JCAD: variants seen among roughly 807,000 people sequenced by gnomAD.
JCAD encodes junctional cadherin 5-associated protein.
A neutral mutation model predicts 98.0 loss-of-function variants in JCAD; 40 were observed. That is an observed-to-expected ratio of 0.41 (90% CI 0.32 to 0.53). The LOEUF (loss-of-function observed/expected upper bound fraction) is 0.53, where lower values mean the gene tolerates loss of function less well. JCAD is among the 20% of genes least tolerant of loss of function. The pLI is 0.31. For missense variants in JCAD, 1,705 were observed against 1,738.1 expected (o/e 0.98, Z 0.34); for synonymous variants, 691 against 682.3 (o/e 1.01, Z -0.20).
chr10:30,056,356 A>T (rs1477948386), intron 1 of JCAD, among the ~76,000 whole-genome samples: 1 of 152,196 alleles, frequency 6.6e-6, no homozygotes, highest in Non-Finnish European at 1.5e-5. Flanking sequence ...TTTCCTAAGT[A>T]CAAAAGTCAT....
chr10:30,022,095 A>T (rs1836671129), intron 3 of JCAD, among the ~76,000 whole-genome samples: 1 of 152,316 alleles, frequency 6.6e-6, no homozygotes, highest in South Asian at 2.1e-4. Flanking sequence ...TTGGAGCATC[A>T]GTCATCCAGC....
At chr10:30,030,394 T>C (rs1836966442) in intron 2 of JCAD, among the ~76,000 whole-genome samples, 2 of 152,146 alleles carry the variant, frequency 1.3e-5, no homozygotes, top group Admixed American at 1.3e-4. Flanking sequence ...TGAGCTGTGA[T>C]TGCGCCACTG....
chr10:30,027,589 G>A lies in JCAD; in HGVS notation c.2559C>T (p.Ser853=), dbSNP rs1564442943. The A allele has an allele frequency of 6.2e-7, 1 of 1,614,208 alleles. No individual in the cohort carries two copies. Among genetic ancestry groups the A allele is most frequent in the South Asian group, 1.1e-5 (1 of 91,078 alleles). The change falls in exon 3 of 4, where the codon AGC becomes AGT. Residue 853 remains serine (S), a synonymous_variant. Coordinates refer to ENST00000375377, the MANE Select transcript of JCAD (RefSeq NM_020848.4). ...TCTCCTCACTGCTGCTGCTGCTGCT[G>A]CTGCTGCTACTGCTGCTTTCTTCCT... The part of the protein sequence containing the change: ...QEEEESSSSS[S]SSSSSSEESE...
intron 1 of JCAD, among the ~76,000 whole-genome samples, chr10:30,079,214 G>A (rs1838031689): frequency 6.6e-6 from 1 of 152,064 alleles, no homozygotes; most frequent in Non-Finnish European, 1.5e-5. Flanking sequence ...GGGCGTGGTG[G>A]CCGGCGCCTG....
At chr10:30,062,491 T>C (rs187143487), upstream of JCAD, among the ~76,000 whole-genome samples, 2 of 152,302 alleles carry the variant, frequency 1.3e-5, no homozygotes, top group East Asian at 3.9e-4. Context: ...TGGAAAGCTT[T>C]TCTAAAGATC....
chr10:30,081,628 C>T (rs149813390), intron 1 of JCAD, among the ~76,000 whole-genome samples: 45 of 152,162 alleles, frequency 3.0e-4, no homozygotes, highest in East Asian at 2.9e-3. Context: ...GACGGGGTTT[C>T]GCCATGTTTG....
At position 30,059,348 on chromosome 10, in the gene JCAD, G is replaced by A. The variant is rs1837654658; in HGVS notation, c.-60+134C>T. On this transcript the variant is annotated intron_variant, in intron 1 of 3. Transcript: ENST00000375377. This position sits in a 1 kb window ranked among gnomAD's most constrained non-coding sequence, Gnocchi z 5.0. ...TGCAGACATCCCCCACCGCCAGGGT[G>A]GCTGGAACCGGAGCGACGTCCCAGC... The A allele has an allele frequency of 6.6e-6, 1 of 151,256 alleles. No homozygotes were observed. The highest frequency in any genetic ancestry group is 1.5e-5 in the Non-Finnish European group (1 of 67,784). 9.4% of individuals were successfully genotyped at this position (151,256 alleles called of 1,614,324 possible). A position where few individuals can be genotyped will look rare whatever the true frequency, so the allele number is the denominator to read the frequency against.
rs1223724918 is a variant in JCAD, at chr10:30,038,720, AAAAGAG to A, written c.281+8806_281+8811del. Among the ~76,000 whole-genome samples, 707 of 151,248 alleles carry A rather than the reference AAAAGAG, an allele frequency of 4.7e-3. 7 individuals are homozygous for A. The highest frequency in any genetic ancestry group is 0.016 in the African/African-American group (668 of 41,088). ...AAAAAAAAAAAGAAAGAAAGAAAAG[AAAAGAG>A]AAAGAGAAAGAGAGAAGAGAGAAGA... On this transcript the variant is annotated intron_variant, in intron 2 of 3. Coordinates refer to ENST00000375377, the MANE Select transcript of JCAD (RefSeq NM_020848.4).
chr10:30,100,326 G>T (rs967486469), intron 1 of JCAD, among the ~76,000 whole-genome samples: 4 of 152,100 alleles, frequency 2.6e-5, no homozygotes, highest in Non-Finnish European at 5.9e-5. Flanking sequence ...TATTTGAAGA[G>T]ATTTATTTAT....
chr10:30,114,898 A>C (rs1723198105), intron 1 of JCAD, among the ~76,000 whole-genome samples: 1 of 151,982 alleles, frequency 6.6e-6, no homozygotes, highest in Non-Finnish European at 1.5e-5. Flanking sequence ...AAATATAAAC[A>C]GATAAAAACA....
At chr10:30,025,718 T>C (rs2132610212) in intron 3 of JCAD, among the ~76,000 whole-genome samples, 1 of 151,500 alleles carries the variant, frequency 6.6e-6, no homozygotes, top group Middle Eastern at 3.5e-3. Flanking sequence ...TGGGATCTCG[T>C]CTCTATAAAA....
At chr10:30,047,148 C>A (rs1837354657) in intron 2 of JCAD, among the ~76,000 whole-genome samples, 1 of 151,952 alleles carries the variant, frequency 6.6e-6, no homozygotes, top group African/African-American at 2.4e-5. Context: ...CCTAGGCGGG[C>A]AGATCACGAG....
intron 1 of JCAD, among the ~76,000 whole-genome samples, chr10:30,077,413 A>T (rs1354137788): frequency 6.6e-6 from 1 of 152,136 alleles, no homozygotes; most frequent in Admixed American, 6.5e-5. Context: ...AGTAGCTGGG[A>T]CTACAAGCAC....
chr10:30,085,163 T>G (rs1838148100), intron 1 of JCAD, among the ~76,000 whole-genome samples: 1 of 152,224 alleles, frequency 6.6e-6, no homozygotes. Flanking sequence ...GTTGTATTTT[T>G]CCCTATTTCA....
intron 3 of JCAD, among the ~76,000 whole-genome samples, chr10:30,018,953 T>C (rs1238098869): frequency 6.6e-6 from 1 of 152,244 alleles, no homozygotes; most frequent in East Asian, 1.9e-4. Context: ...AAGAGATATC[T>C]GCACTGCAGC....
At chr10:30,105,656 T>G (rs1046857564) in intron 1 of JCAD, among the ~76,000 whole-genome samples, 1 of 152,178 alleles carries the variant, frequency 6.6e-6, no homozygotes, top group Non-Finnish European at 1.5e-5. Flanking sequence ...AATCCTCAGT[T>G]TTTGTTTGCA....
At chr10:30,070,522 G>A (rs1002523134) in intron 1 of JCAD, among the ~76,000 whole-genome samples, 1 of 152,164 alleles carries the variant, frequency 6.6e-6, no homozygotes, top group Non-Finnish European at 1.5e-5. Context: ...AAATTAGTGG[G>A]TGTATGAATT....
intron 1 of JCAD, among the ~76,000 whole-genome samples, chr10:30,079,271 C>T (rs758343870): frequency 1.4e-5 from 2 of 145,148 alleles, no homozygotes; most frequent in Non-Finnish European, 3.0e-5. Context: ...GGCGTGAATC[C>T]GGGAAGCGGA....
intron 3 of JCAD, 43 bp from the exon 4 acceptor site, chr10:30,017,960 C>T (rs752239495): frequency 6.7e-7 from 1 of 1,483,618 alleles, no homozygotes; most frequent in Admixed American, 1.7e-5. Flanking sequence ...TTATATTCAA[C>T]TGCTCTATTT....
Sources: gnomAD v4.1 joint callset for allele counts (sites outside exome capture counted in the v4.1 genomes callset) on GRCh38, gnomAD v4.1.1 for gene constraint, Gnocchi (gnomAD v3.1) non-coding constraint, MANE v1.5 for transcripts, NCBI Gene and HGNC (gene_info 2026-07-23, HGNC 2026-07-21) for gene names.